The following NAV3 variants were observed in gnomAD, a reference collection of about 807,000 sequenced individuals.
NAV3 encodes the protein neuron navigator 3.
NAV3 carries 87 observed loss-of-function variants against 244.7 expected under a neutral mutation model. The observed-to-expected ratio is 0.36, with a 90% confidence interval of 0.30 to 0.42. The LOEUF is 0.42. Ranked by LOEUF, NAV3 falls within the 20% of genes least tolerant of loss-of-function variation. NAV3 has a pLI of 1.00. For synonymous variants in NAV3, 1,126 were observed against 1,042.2 expected (o/e 1.08, Z -1.55); for missense variants, 2,663 against 2,893.3 (o/e 0.92, Z 1.83).
chr12:77,980,340 G>A (rs1869340860), intron 5 of NAV3, among the ~76,000 whole-genome samples: 1 of 152,114 alleles, frequency 6.6e-6, no homozygotes. Flanking sequence ...TGCATTAAAT[G>A]GAGAGCAGCC....
intron 2 of NAV3, among the ~76,000 whole-genome samples, chr12:77,594,390 A>G (rs1255465698): frequency 5.3e-5 from 8 of 152,084 alleles, no homozygotes; most frequent in Admixed American, 5.2e-4. Context: ...ACCAGTTTCC[A>G]CTGACCTGTC....
In NAV3 at chr12:78,203,197, G is replaced by A. The variant is rs896847183; in HGVS notation, c.6835-1738G>A. ...TTTTTCTACAATATGTGTTTCACTC[G>A]GAAATATAGTGTTTGGCCCATTTAG... On this transcript the variant is annotated intron_variant, in intron 38 of 39. Transcript: ENST00000397909. 5.1e-4 allele frequency among the ~76,000 whole-genome samples: 78 copies of A among 151,938 alleles called. 1 individual carries two copies. The highest frequency in any genetic ancestry group is 2.6e-4 in the Non-Finnish European group (18 of 67,932).
intron 2 of NAV3, among the ~76,000 whole-genome samples, chr12:77,670,444 C>A (rs1357559209): frequency 1.3e-5 from 2 of 151,998 alleles, no homozygotes; most frequent in East Asian, 3.9e-4. Context: ...TTTTATGAAG[C>A]CAGTATCACT....
chr12:78,188,790 A>G lies in NAV3; in HGVS notation c.6055+13A>G, dbSNP rs2139857634. ...GTGAACCTCAAAGGTAAAAGCAATA[A>G]TGAAAAGCAAGGCAGAAATATAATT... On this transcript the variant is annotated intron_variant, in intron 33 of 39. Transcript: ENST00000397909. The G allele has an allele frequency of 6.2e-7, 1 of 1,606,650 alleles. No homozygotes were observed.
At chr12:78,144,723 A>C (rs895785102) in intron 20 of NAV3, among the ~76,000 whole-genome samples, 1 of 151,788 alleles carries the variant, frequency 6.6e-6, no homozygotes, top group African/African-American at 2.4e-5. Context: ...AGAATAAATT[A>C]TTATTTAAAA....
At chr12:77,763,035 T>C (rs1478351238) in intron 2 of NAV3, among the ~76,000 whole-genome samples, 1 of 152,158 alleles carries the variant, frequency 6.6e-6, no homozygotes, top group East Asian at 1.9e-4. Flanking sequence ...AGCATGAACA[T>C]AGAATAACAC....
At chr12:77,696,097 C>T (rs1313244278) in intron 2 of NAV3, among the ~76,000 whole-genome samples, 2 of 152,140 alleles carry the variant, frequency 1.3e-5, no homozygotes, top group Non-Finnish European at 2.9e-5. Context: ...AATTCAATCA[C>T]ACTGAGATGC....
intron 2 of NAV3, among the ~76,000 whole-genome samples, chr12:77,813,246 T>C (rs1872378789): frequency 6.6e-6 from 1 of 152,164 alleles, no homozygotes; most frequent in Admixed American, 6.5e-5. Flanking sequence ...CAGCTCAACA[T>C]TGATTACTCA....
intron 8 of NAV3, among the ~76,000 whole-genome samples, chr12:78,007,704 C>T (rs1874483293): frequency 6.6e-6 from 1 of 152,122 alleles, no homozygotes; most frequent in Non-Finnish European, 1.5e-5. Context: ...TATCAAAAGC[C>T]AGCTAGAAAC....
chr12:77,800,010 A>G (rs1871625609), intron 2 of NAV3, among the ~76,000 whole-genome samples: 1 of 152,214 alleles, frequency 6.6e-6, no homozygotes, highest in African/African-American at 2.4e-5. Flanking sequence ...CCTAAAATGT[A>G]TCATTTTCAC....
rs1371983801 is a variant in NAV3 at position 78,140,288 on chromosome 12, G to C, written c.4637G>C (p.Gly1546Ala). The C allele has an allele frequency of 1.2e-6, 2 of 1,612,966 alleles. No homozygotes were observed. The highest frequency in any genetic ancestry group is 1.7e-6 in the Non-Finnish European group (2 of 1,179,250). Residue 1546 changes from glycine (G) to alanine (A), a missense_variant, in exon 20 of 40, where the codon GGC becomes GCC. By Grantham distance (60) the Gly-to-Ala change is moderately conservative. Coordinates refer to ENST00000397909, the MANE Select transcript of NAV3 (RefSeq NM_001024383.2). ...SFRDSMEEVH[G>A]SSLSLVSSTS... ...TTCTGTTTGTTTTCTCCAGTTCATGGCTCTTCATTATCACTGGTGTCCAGC... is the reference window on the plus strand; with the variant it reads ...TTCTGTTTGTTTTCTCCAGTTCATGCCTCTTCATTATCACTGGTGTCCAGC...
intron 2 of NAV3, among the ~76,000 whole-genome samples, chr12:77,741,351 T>C (rs1049058984): frequency 6.6e-6 from 1 of 152,096 alleles, no homozygotes; most frequent in Non-Finnish European, 1.5e-5. Flanking sequence ...GTCTGAGGAT[T>C]GGTATTTAGA....
intron 2 of NAV3, among the ~76,000 whole-genome samples, chr12:77,653,542 C>T (rs1391550894): frequency 6.6e-6 from 1 of 152,060 alleles, no homozygotes. Flanking sequence ...TTAATGAATT[C>T]CTTGATATTA....
chr12:77,695,018 A>C (rs1592591199), intron 2 of NAV3, among the ~76,000 whole-genome samples: 1 of 152,206 alleles, frequency 6.6e-6, no homozygotes, highest in African/African-American at 2.4e-5. Flanking sequence ...CACTGAGTAC[A>C]TAAGTGCCAG....
At chr12:77,719,911 C>A (rs1876534423) in intron 2 of NAV3, among the ~76,000 whole-genome samples, 1 of 152,090 alleles carries the variant, frequency 6.6e-6, no homozygotes, top group Non-Finnish European at 1.5e-5. Context: ...GTGAAGCCAT[C>A]TTGTTCTCGG....
rs1382198962 is a variant in NAV3 at position 78,212,699 on chromosome 12, C to A, written c.*2182C>A. The A allele has an allele frequency of 6.6e-6, 1 of 152,584 alleles. No individual in the cohort carries two copies. Among genetic ancestry groups the A allele is most frequent in the African/African-American group, 2.4e-5 (1 of 41,436 alleles). The allele number at this position is 152,584 out of a possible 1,614,324, so 9.5% of individuals were successfully genotyped here. On this transcript the variant is annotated 3_prime_UTR_variant, in exon 40 of 40. Coordinates refer to ENST00000397909, the MANE Select transcript of NAV3 (RefSeq NM_001024383.2). ...TTCCTGCAATACATCCCAGTAGGTC[C>A]ACCTAGTTTACAACTTAAACTAGTT... is the stretch of plus-strand genomic sequence containing the variant.
At position 77,781,880 on chromosome 12, in the gene NAV3, CA is replaced by C. The variant is rs549548549; in HGVS notation, c.73-158437del. 9.2e-5 allele frequency among the ~76,000 whole-genome samples: 14 copies of C among 152,234 alleles called. No homozygotes were observed. The South Asian group carries it at 2.9e-3, about 32-fold the overall frequency. ...AGGGCAAGTGTTTGGCTAGCAAGAA[CA>C]AGTTTTCTGTAATATAAAATAATCA... is the stretch of plus-strand genomic sequence containing the variant. On this transcript the variant is annotated intron_variant, in intron 2 of 8. Transcript: ENST00000550042.
At chr12:77,814,792 G>A (rs769364890) in intron 2 of NAV3, among the ~76,000 whole-genome samples, 9 of 152,240 alleles carry the variant, frequency 5.9e-5, no homozygotes, top group East Asian at 3.9e-4. Context: ...TTTTCACCTC[G>A]TCCATGGTTT....
At chr12:78,192,505 A>G (rs1172715725) in intron 34 of NAV3, among the ~76,000 whole-genome samples, 1 of 151,556 alleles carries the variant, frequency 6.6e-6, no homozygotes, top group Non-Finnish European at 1.5e-5. Context: ...TCCTGGGTTC[A>G]AGCGATTCTT....
Sources: allele counts gnomAD v4.1 joint callset (sites outside exome capture counted in the v4.1 genomes callset), GRCh38; gene constraint gnomAD v4.1.1; transcripts MANE v1.5; gene names NCBI Gene and HGNC (gene_info 2026-07-23, HGNC 2026-07-21).